Variants in PAPLN observed in about 807,000 individuals in gnomAD.
PAPLN encodes the protein papilin.
Under a neutral mutation model 159.0 loss-of-function variants are expected in PAPLN, and 146 were observed. The observed-to-expected ratio is 0.92, with a 90% CI of 0.80 to 1.05. The LOEUF (loss-of-function observed/expected upper bound fraction) is 1.05, where lower values mean the gene tolerates loss of function less well. PAPLN is among the 50% of genes least tolerant of loss of function. The pLI is 0.00. For missense variants in PAPLN, 1,720 were observed against 1,743.9 expected (o/e 0.99, Z 0.24); for synonymous variants, 734 against 702.9 (o/e 1.04, Z -0.70).
Position 73,268,663 on chromosome 14 carries a change from A to G in PAPLN, c.3607A>G (p.Ser1203Gly). The change falls in exon 26 of 27, where the codon AGT becomes GGT. Residue 1203 changes from serine (S) to glycine (G), a missense_variant. Transcript: ENST00000644200. Reference protein sequence around the residue: ...RARDEGSYTCSAYQGSQAVSR... With the variant: ...RARDEGSYTCGAYQGSQAVSR... ...CAGGGATGAGGGCTCCTACACGTGC[A>G]GTGCCTACCAGGGGAGCCAGGCAGT... 1.2e-6 allele frequency: 2 copies of G among 1,613,932 alleles called. No homozygotes were observed. Among genetic ancestry groups the G allele is most frequent in the Non-Finnish European group, 1.7e-6 (2 of 1,179,938 alleles).
chr14:73,253,747 C>T lies in PAPLN; in HGVS notation c.1095-7C>T, dbSNP rs1885576886. ...GGCCAGCCTTACCTGATTCCCCCTC[C>T]TGCCAGCTGGAAGGCAGGGCCATGG... On this transcript the variant is annotated splice_region_variant and splice_polypyrimidine_tract_variant and intron_variant, in intron 11 of 26. Coordinates refer to ENST00000644200, the MANE Select transcript of PAPLN (RefSeq NM_001365906.3). The T allele has an allele frequency of 6.3e-7, 1 of 1,587,204 alleles. No homozygotes were observed. The highest frequency in any genetic ancestry group is 8.6e-7 in the Non-Finnish European group (1 of 1,162,314).
At chr14:73,258,639 G>A (rs1335337305) in intron 14 of PAPLN, among the ~76,000 whole-genome samples, 47 of 58,084 alleles carry the variant, frequency 8.1e-4, no homozygotes, top group East Asian at 1.9e-3. Flanking sequence ...AAAAAAAAAA[G>A]TAGTCCCAGC....
chr14:73,253,287 G>T, intron 11 of PAPLN: 1 of 1,320,636 alleles, frequency 7.6e-7, no homozygotes, highest in South Asian at 1.2e-5. Context: ...GCTTGGCCTT[G>T]GTGGCAGCGG....
rs76804017 is a variant in PAPLN, at chr14:73,252,699, G to A, written c.1018G>A (p.Asp340Asn). 768 of 1,613,404 alleles carry A rather than the reference G, an allele frequency of 4.8e-4. 4 individuals carry two copies. The East Asian group carries it at 0.013, about 27-fold the overall frequency. The part of the protein sequence containing the change: ...FCTIDHEAYP[D>N]HMCQRQPRPA... ...CACCATCGACCATGAGGCCTACCCCGACCACATGTGCCAGCGCCAGCCACG... is the reference window on the plus strand; with the variant it reads ...CACCATCGACCATGAGGCCTACCCCAACCACATGTGCCAGCGCCAGCCACG... Residue 340 changes from aspartate to asparagine, a missense_variant, in exon 11 of 27, where the codon GAC (aspartate) becomes AAC (asparagine). Transcript: ENST00000644200.
chr14:73,245,532 T>C lies in PAPLN; in HGVS notation c.171-104T>C, dbSNP rs1884133843. ...GGGGGACACCCTCTCACCTTGCTGCTCCCACTGGAGAGTCCCGCAGAAGTT... is the reference window on the plus strand; with the variant it reads ...GGGGGACACCCTCTCACCTTGCTGCCCCCACTGGAGAGTCCCGCAGAAGTT... On this transcript the variant is annotated intron_variant, in intron 3 of 26. Transcript: ENST00000644200. This position sits in a 1 kb window ranked among gnomAD's most constrained non-coding sequence, Gnocchi z 4.2. The C allele has an allele frequency of 7.8e-7, 1 of 1,288,578 alleles. No homozygotes were observed. The highest frequency in any genetic ancestry group is 1.3e-5 in the South Asian group (1 of 74,886). 79.8% of individuals were successfully genotyped at this position (1,288,578 alleles called of 1,614,324 possible).
intron 1 of PAPLN, 62 bp from the exon 2 acceptor site, chr14:73,239,711 C>A: frequency 1.3e-6 from 2 of 1,533,540 alleles, no homozygotes; most frequent in East Asian, 2.4e-5. Context: ...CACACACTCT[C>A]GCCCGCGCCC....
intron 10 of PAPLN, 120 bp from the exon 11 acceptor site, chr14:73,252,529 G>C (rs965442611): frequency 3.8e-6 from 5 of 1,325,018 alleles, no homozygotes; most frequent in Non-Finnish European, 4.0e-6. Flanking sequence ...GCCTCGGGGG[G>C]GTCATCTAAG....
In PAPLN at chr14:73,262,641, C is replaced by T. The variant is rs11620852; in HGVS notation, c.2537C>T (p.Ala846Val). ...QEPSQHRTGAAVQRKPWPSGG... is the reference protein window; with the variant it reads ...QEPSQHRTGAVVQRKPWPSGG... ...CCCAGCCAGCACAGGACAGGGGCCG[C>T]GGTGCAGAGAAAGCCCTGGCCTTCT... Residue 846 changes from alanine (A) to valine (V), a missense_variant, in exon 19 of 27, where the codon GCG becomes GTG. Coordinates refer to ENST00000644200, the MANE Select transcript of PAPLN (RefSeq NM_001365906.3). The T allele has an allele frequency of 7.2e-3, 10,883 of 1,512,176 alleles. 44 individuals carry two copies. The highest frequency in any genetic ancestry group is 8.6e-3 in the Non-Finnish European group (9,639 of 1,125,724). 93.7% of individuals were successfully genotyped at this position (1,512,176 alleles called of 1,614,324 possible).
intron 2 of PAPLN, among the ~76,000 whole-genome samples, chr14:73,241,306 G>A (rs77707064): frequency 0.033 from 5,023 of 152,264 alleles, 118 homozygotes; most frequent in Middle Eastern, 0.099. Context: ...CCTTCACCAC[G>A]TGCTGGTGGC....
In PAPLN at chr14:73,259,556, G is replaced by A; in HGVS notation, c.1985+11G>A. On this transcript the variant is annotated intron_variant, in intron 16 of 26. Transcript: ENST00000644200. ...CTGTCAGCAGAGCAGGTGGGTGCTG[G>A]AGACAGGTCTTCCTCCTCCCCCGTC... 2 of 1,517,856 alleles carry A rather than the reference G, an allele frequency of 1.3e-6. No individual in the cohort carries two copies. The highest frequency in any genetic ancestry group is 1.3e-5 in the South Asian group (1 of 77,568). The allele number at this position is 1,517,856 out of a possible 1,614,324, so 94.0% of individuals were successfully genotyped here.
chr14:73,265,241 AG>A lies in PAPLN; in HGVS notation c.3126-125del. Reference sequence around the variant, plus strand: ...GACCATTTCCTAACCAGAACAAGGCAGGGGATTTTAGGAAGCTGAATCTGGC... The same window carrying A: ...GACCATTTCCTAACCAGAACAAGGCAGGGATTTTAGGAAGCTGAATCTGGC... On this transcript the variant is annotated intron_variant, in intron 22 of 26. Coordinates refer to ENST00000644200, the MANE Select transcript of PAPLN (RefSeq NM_001365906.3). This position sits in a 1 kb window ranked among gnomAD's most constrained non-coding sequence, Gnocchi z 4.1. The A allele has an allele frequency of 2.1e-6, 3 of 1,420,512 alleles. No individual in the cohort carries two copies. The highest frequency in any genetic ancestry group is 2.7e-5 in the South Asian group (2 of 73,908). 88.0% of individuals were successfully genotyped at this position (1,420,512 alleles called of 1,614,324 possible).
chr14:73,259,635 G>A, intron 16 of PAPLN, 90 bp downstream of exon 16: 2 of 1,387,268 alleles, frequency 1.4e-6, no homozygotes, highest in Non-Finnish European at 9.4e-7. Flanking sequence ...TCAGAAGAGG[G>A]CTGGGGTGGG....
intron 22 of PAPLN, 60 bp downstream of exon 22, chr14:73,264,786 C>T (rs572976455): frequency 6.2e-7 from 1 of 1,603,756 alleles, no homozygotes; most frequent in Non-Finnish European, 8.5e-7. Flanking sequence ...CCGGGGGTCT[C>T]AGTGGATAAG....
At chr14:73,250,483 T>G (rs1473673964) in intron 6 of PAPLN, among the ~76,000 whole-genome samples, 1 of 152,102 alleles carries the variant, frequency 6.6e-6, no homozygotes, top group Non-Finnish European at 1.5e-5. Flanking sequence ...CCAGGAGGTG[T>G]GGAGGTGGCC....
intron 18 of PAPLN, 111 bp from the exon 19 acceptor site, chr14:73,262,239 T>A: frequency 9.2e-7 from 1 of 1,087,618 alleles, no homozygotes; most frequent in Non-Finnish European, 1.3e-6. Context: ...GGTGTAGACA[T>A]GCTTTATAAG....
chr14:73,254,900 C>T lies in PAPLN; in HGVS notation c.1509C>T (p.Gly503=). The T allele has an allele frequency of 1.9e-6, 3 of 1,612,600 alleles. No individual in the cohort carries two copies. The highest frequency in any genetic ancestry group is 1.3e-5 in the African/African-American group (1 of 75,050). Residue 503 remains glycine, a synonymous_variant, in exon 14 of 27, where the codon GGC becomes GGT. Transcript: ENST00000644200. ...AGTGCTCCAAGAGCTGCAGCTCGGGCACTCGGAGGCGACAGGTCATCTGTG... is the reference window on the plus strand; with the variant it reads ...AGTGCTCCAAGAGCTGCAGCTCGGGTACTCGGAGGCGACAGGTCATCTGTG... ...WGLCSKSCSS[G]TRRRQVICAI...
At chr14:73,255,783 A>G (rs1566690342) in intron 14 of PAPLN, among the ~76,000 whole-genome samples, 1 of 152,136 alleles carries the variant, frequency 6.6e-6, no homozygotes, top group Admixed American at 6.5e-5. Flanking sequence ...CAGAATTTCT[A>G]TGAGACATGT....
intron 24 of PAPLN, 26 bp from the exon 25 acceptor site, chr14:73,266,697 T>A: frequency 3.1e-6 from 5 of 1,614,150 alleles, no homozygotes; most frequent in Non-Finnish European, 4.2e-6. Context: ...TCATAGTGGC[T>A]GACAATGACT....
At chr14:73,253,649 G>C in intron 11 of PAPLN, 105 bp from the exon 12 acceptor site, 2 of 1,061,080 alleles carry the variant, frequency 1.9e-6, no homozygotes, top group Non-Finnish European at 2.7e-6. Flanking sequence ...GATGGGCTGG[G>C]GTGGGGGTCC....
Sources: gnomAD v4.1 joint callset for allele counts (sites outside exome capture counted in the v4.1 genomes callset) on GRCh38, gnomAD v4.1.1 for gene constraint, Gnocchi (gnomAD v3.1) non-coding constraint, MANE v1.5 for transcripts, NCBI Gene and HGNC (gene_info 2026-07-23, HGNC 2026-07-21) for gene names.